HIP1: variants seen among roughly 807,000 people sequenced by gnomAD.
HIP1 encodes huntingtin-interacting protein 1.
HIP1 carries 65 observed loss-of-function variants against 147.6 expected under a neutral mutation model. The observed-to-expected ratio is 0.44, with a 90% CI of 0.36 to 0.54. The LOEUF is 0.54. HIP1 is among the 20% of genes least tolerant of loss of function. The pLI, the probability that HIP1 is intolerant of heterozygous loss-of-function variation, is 0.00. For synonymous variants in HIP1, 479 were observed against 504.0 expected, an observed-to-expected ratio of 0.95 and a Z score of 0.67; for missense variants, 1,061 against 1,299.6, an observed-to-expected ratio of 0.82 and a Z score of 2.82.
intron 18 of HIP1, 41 bp downstream of exon 18, chr7:75,555,985 G>C: frequency 1.2e-6 from 2 of 1,608,474 alleles, no homozygotes; most frequent in Non-Finnish European, 1.7e-6. Flanking sequence ...CCCTCGGTGG[G>C]AATTCACAGG....
chr7:75,572,628 A>C (rs587731901), intron 8 of HIP1, among the ~76,000 whole-genome samples: 2 of 152,284 alleles, frequency 1.3e-5, no homozygotes, highest in East Asian at 3.9e-4. Context: ...CCAGGGCTGC[A>C]CACTCCATGG....
At chr7:75,591,902 T>A (rs782371981) in intron 4 of HIP1, among the ~76,000 whole-genome samples, 154 bp downstream of exon 4, 12 of 152,038 alleles carry the variant, frequency 7.9e-5, no homozygotes, top group Non-Finnish European at 1.6e-4. Flanking sequence ...CATGGTACTC[T>A]TTGGGGGCAT....
chr7:75,538,795 C>T (rs1330907123), intron 30 of HIP1, among the ~76,000 whole-genome samples: 3 of 151,990 alleles, frequency 2.0e-5, no homozygotes, highest in Non-Finnish European at 2.9e-5. Flanking sequence ...AGGATGGTCT[C>T]GATCTCCTGA....
intron 1 of HIP1, among the ~76,000 whole-genome samples, chr7:75,671,186 C>T (rs893945506): frequency 1.3e-5 from 2 of 152,170 alleles, no homozygotes; most frequent in Admixed American, 6.5e-5. Context: ...CTCCCCCTCC[C>T]GGGTTCGAGT....
chr7:75,655,488 A>G (rs911802732), intron 1 of HIP1, among the ~76,000 whole-genome samples: 4 of 151,998 alleles, frequency 2.6e-5, no homozygotes, highest in Admixed American at 2.0e-4. Flanking sequence ...AGGCTGAGGC[A>G]GGAGAGTCGC....
chr7:75,554,384 T>A, intron 20 of HIP1, 56 bp downstream of exon 20: 1 of 1,481,830 alleles, frequency 6.7e-7, no homozygotes, highest in Non-Finnish European at 9.4e-7. Flanking sequence ...TTCAGGTGCT[T>A]CTGAACCCTG....
Position 75,556,186 on chromosome 7 carries a change from A to G in HIP1, c.1684-17T>C. ...TGCTTCTGACTGCAAAGGTGACCAC[A>G]AGGAAAGAGGGAGACGCTGGTTGAG... On this transcript the variant is annotated splice_polypyrimidine_tract_variant and intron_variant, in intron 17 of 30. Transcript: ENST00000336926. 1 of 1,613,252 alleles carries G rather than the reference A, an allele frequency of 6.2e-7. No individual in the cohort carries two copies. The highest frequency in any genetic ancestry group is 8.5e-7 in the Non-Finnish European group (1 of 1,179,684).
intron 1 of HIP1, among the ~76,000 whole-genome samples, chr7:75,666,225 G>A (rs1026693861): frequency 4.0e-5 from 6 of 151,798 alleles, no homozygotes; most frequent in Admixed American, 2.6e-4. Context: ...CCGGAGTGCA[G>A]TGGCGTGATC....
chr7:75,595,249 T>C (rs1796674577), intron 2 of HIP1, among the ~76,000 whole-genome samples: 3 of 98,946 alleles, frequency 3.0e-5, no homozygotes, highest in African/African-American at 1.2e-4. Context: ...TCTTTCTTTC[T>C]TTCTTCCTTC....
chr7:75,640,247 C>T (rs568894627), intron 1 of HIP1, among the ~76,000 whole-genome samples: 2 of 152,240 alleles, frequency 1.3e-5, no homozygotes, highest in South Asian at 2.1e-4. Flanking sequence ...TGAGAGTCCA[C>T]CTAGATCAAC....
chr7:75,611,957 C>T (rs1283262456), intron 1 of HIP1: 9 of 823,708 alleles, frequency 1.1e-5, no homozygotes, highest in Non-Finnish European at 1.3e-5. Context: ...CAATGGGAAA[C>T]CCTCTGGCCT....
intron 1 of HIP1, among the ~76,000 whole-genome samples, chr7:75,663,984 G>GTATATATATACACATATATGTGTA (rs1563278140): frequency 2.6e-4 from 2 of 7,782 alleles, no homozygotes; most frequent in African/African-American, 9.2e-4. Flanking sequence ...ACATATATGT[G>GTATATATATACACATATATGTGTA]TATATATATA....
At chr7:75,620,751 G>A (rs925501962) in intron 1 of HIP1, among the ~76,000 whole-genome samples, 34 of 152,078 alleles carry the variant, frequency 2.2e-4, no homozygotes, top group Middle Eastern at 3.4e-3. Context: ...CAGAGATGAC[G>A]ATCTCTGTCC....
intron 1 of HIP1, among the ~76,000 whole-genome samples, chr7:75,646,352 G>A (rs1004147140): frequency 3.3e-5 from 5 of 152,218 alleles, no homozygotes; most frequent in Admixed American, 2.6e-4. Flanking sequence ...CTCCCAAAGT[G>A]CTGGGATTAC....
chr7:75,577,176 A>T (rs1265369511), intron 7 of HIP1, among the ~76,000 whole-genome samples: 3 of 151,788 alleles, frequency 2.0e-5, no homozygotes, highest in Non-Finnish European at 4.4e-5. Flanking sequence ...ACAAAAAATT[A>T]AAAAATTAGC....
intron 8 of HIP1, among the ~76,000 whole-genome samples, chr7:75,572,225 G>GA (rs5884970): frequency 0.06 from 4,953 of 82,728 alleles, 144 homozygotes; most frequent in African/African-American, 0.11. Flanking sequence ...CTCTGTCTCA[G>GA]AAAAAAAAAA....
chr7:75,573,064 C>T (rs1401071348), intron 8 of HIP1, among the ~76,000 whole-genome samples: 1 of 152,140 alleles, frequency 6.6e-6, no homozygotes, highest in African/African-American at 2.4e-5. Flanking sequence ...GGGGGCCGGG[C>T]TGCCAATCCC....
Position 75,647,211 on chromosome 7 carries a change from CAAAAAAAAAAAAAAAAAAA to C in HIP1, c.121-47983_121-47965del, listed in dbSNP as rs60972195. On this transcript the variant is annotated intron_variant, in intron 1 of 30. Transcript: ENST00000336926. ...CGAAACCCCATCTCTACTAAAAATA[CAAAAAAAAAAAAAAAAAAA>C]AAAAAAAAAAAAAAAAAATTAGCCA... Among the ~76,000 whole-genome samples, 191 of 58,010 alleles carry C rather than the reference CAAAAAAAAAAAAAAAAAAA, an allele frequency of 3.3e-3. 2 individuals are homozygous for C. The highest frequency in any genetic ancestry group is 0.018 in the South Asian group (21 of 1,178). 38.1% of individuals were successfully genotyped at this position (58,010 alleles called of 152,430 possible). A position where few individuals can be genotyped will look rare whatever the true frequency, so the allele number is the denominator to read the frequency against.
chr7:75,555,712 G>GGATGTGCGGCTGCCCAC lies in HIP1; in HGVS notation c.1828-178_1828-162dup, dbSNP rs587621148. On this transcript the variant is annotated intron_variant, in intron 18 of 30. Coordinates refer to ENST00000336926, the MANE Select transcript of HIP1 (RefSeq NM_005338.7). ...GAAAGGCGCTTTAACTGTGTGCACA[G>GGATGTGCGGCTGCCCAC]GATGTGCGGCTGCCCACGATGTGCG... Among the ~76,000 whole-genome samples, 242 of 152,260 alleles carry GGATGTGCGGCTGCCCAC rather than the reference G, an allele frequency of 1.6e-3. 1 individual carries two copies. The highest frequency in any genetic ancestry group is 3.8e-3 in the African/African-American group (159 of 41,536).
Sources: allele counts gnomAD v4.1 joint callset (sites outside exome capture counted in the v4.1 genomes callset), GRCh38; gene constraint gnomAD v4.1.1; transcripts MANE v1.5; gene names NCBI Gene and HGNC (gene_info 2026-07-23, HGNC 2026-07-21).